Variants in SIPA1L1 observed in about 807,000 individuals in gnomAD.
SIPA1L1 encodes signal-induced proliferation-associated 1-like protein 1.
In SIPA1L1, 26 loss-of-function variants were observed where a neutral mutation model predicts 162.7. The observed-to-expected ratio is 0.16, with a 90% confidence interval of 0.12 to 0.22. The LOEUF (loss-of-function observed/expected upper bound fraction) is 0.22, where lower values mean the gene tolerates loss of function less well. Among genes scored for constraint, SIPA1L1 ranks in the 10% least tolerant of loss-of-function variants. The pLI, the probability that SIPA1L1 is intolerant of heterozygous loss-of-function variation, is 1.00. For missense variants in SIPA1L1, 1,874 were observed against 2,241.0 expected, an observed-to-expected ratio of 0.84 and a Z score of 3.31; for synonymous variants, 829 against 837.4, an observed-to-expected ratio of 0.99 and a Z score of 0.17.
chr14:71,503,139 G>A (rs1235873846), intron 2 of SIPA1L1, among the ~76,000 whole-genome samples: 2 of 152,122 alleles, frequency 1.3e-5, no homozygotes, highest in East Asian at 1.9e-4. Flanking sequence ...GCTTCAAATG[G>A]TGTAGATAGT....
chr14:71,649,957 A>G lies in SIPA1L1; in HGVS notation c.1819-378A>G, dbSNP rs912550771. On this transcript the variant is annotated intron_variant, in intron 7 of 23. Transcript: ENST00000381232. ...AGTAGACCTCTGCTTTTAAATTTGT[A>G]AAGACCTCCCTTTTAAAAGGGGGGA... 3.9e-4 allele frequency among the ~76,000 whole-genome samples: 60 copies of G among 152,206 alleles called. 1 individual carries two copies. Among genetic ancestry groups the G allele is most frequent in the Non-Finnish European group, 1.2e-4 (8 of 68,028 alleles).
chr14:71,377,389 G>A lies in SIPA1L1; in HGVS notation c.-465+56208G>A, dbSNP rs1337156805. 3.1e-4 allele frequency among the ~76,000 whole-genome samples: 46 copies of A among 150,574 alleles called. No individual in the cohort carries two copies. The highest frequency in any genetic ancestry group is 2.8e-3 in the Admixed American group (43 of 15,154). ...TCAGTTCCCAGACGGGGTCGCGGCC[G>A]GGCAGAGGCACTCCTCACCTCCCAG... On this transcript the variant is annotated intron_variant, in intron 2 of 23. Coordinates refer to ENST00000381232, the MANE Select transcript of SIPA1L1 (RefSeq NM_001386936.1). This position sits in a 1 kb window ranked among gnomAD's most constrained non-coding sequence, Gnocchi z 4.8.
chr14:71,436,056 C>T (rs1188124571), intron 2 of SIPA1L1, among the ~76,000 whole-genome samples: 1 of 152,128 alleles, frequency 6.6e-6, no homozygotes, highest in Non-Finnish European at 1.5e-5. Context: ...GGAATTTTAT[C>T]ACTATTTTTC....
At chr14:71,734,486 T>C (rs900031505) in intron 21 of SIPA1L1, among the ~76,000 whole-genome samples, 10 of 152,372 alleles carry the variant, frequency 6.6e-5, no homozygotes, top group African/African-American at 7.2e-5. Context: ...ATTTTTATTA[T>C]TCTTTACAAA....
chr14:71,585,323 T>A (rs1328544249), intron 4 of SIPA1L1, among the ~76,000 whole-genome samples: 1 of 152,182 alleles, frequency 6.6e-6, no homozygotes, highest in Non-Finnish European at 1.5e-5. Context: ...TTATTTATAT[T>A]TTGAAATGAA....
At chr14:71,661,132 A>G (rs564787179) in intron 9 of SIPA1L1, among the ~76,000 whole-genome samples, 178 bp from the exon 10 acceptor site, 13 of 152,334 alleles carry the variant, frequency 8.5e-5, no homozygotes, top group Non-Finnish European at 1.2e-4. Flanking sequence ...GTTCGTTTCT[A>G]TGTTCTTCCT....
intron 2 of SIPA1L1, among the ~76,000 whole-genome samples, chr14:71,419,109 A>G (rs1169160995): frequency 6.6e-6 from 1 of 152,154 alleles, no homozygotes; most frequent in Non-Finnish European, 1.5e-5. Context: ...GCACATGACT[A>G]GCCTTGAGTT....
chr14:71,417,879 C>T (rs995692598), intron 2 of SIPA1L1, among the ~76,000 whole-genome samples: 4 of 152,080 alleles, frequency 2.6e-5, no homozygotes, highest in African/African-American at 9.7e-5. Flanking sequence ...TTGGCTGTGA[C>T]TAGTTTGAAT....
chr14:71,405,048 A>C (rs2041943768), intron 2 of SIPA1L1, among the ~76,000 whole-genome samples: 1 of 152,262 alleles, frequency 6.6e-6, no homozygotes, highest in African/African-American at 2.4e-5. Context: ...CTCAGTAAAT[A>C]ACAAGTATCA....
chr14:71,532,020 G>T (rs527885922), intron 4 of SIPA1L1, among the ~76,000 whole-genome samples: 210 of 148,232 alleles, frequency 1.4e-3, no homozygotes, highest in Non-Finnish European at 2.5e-3. Context: ...TTTCTGTTTT[G>T]TTTTTTTTTC....
At chr14:71,543,281 G>C (rs907146478) in intron 4 of SIPA1L1, among the ~76,000 whole-genome samples, 1 of 152,194 alleles carries the variant, frequency 6.6e-6, no homozygotes, top group Non-Finnish European at 1.5e-5. Flanking sequence ...AAAATGCAAA[G>C]GTCTTAGTTG....
At chr14:71,465,082 G>C (rs531410164) in intron 2 of SIPA1L1, among the ~76,000 whole-genome samples, 33 of 152,280 alleles carry the variant, frequency 2.2e-4, no homozygotes, top group Admixed American at 5.2e-4. Context: ...GCCGCTACTG[G>C]AGATGGGGAA....
intron 8 of SIPA1L1, among the ~76,000 whole-genome samples, chr14:71,653,433 C>A (rs960246418): frequency 6.6e-6 from 1 of 152,164 alleles, no homozygotes; most frequent in Non-Finnish European, 1.5e-5. Context: ...ATTTCTGAAC[C>A]TTTCATCTGA....
intron 10 of SIPA1L1, 122 bp from the exon 11 acceptor site, chr14:71,670,997 T>A (rs1283280091): frequency 3.9e-6 from 3 of 766,490 alleles, no homozygotes; most frequent in Non-Finnish European, 6.5e-6. Flanking sequence ...TTGTTTCTCA[T>A]GGAAAAATAA....
At chr14:71,367,723 C>T (rs2038470082) in intron 2 of SIPA1L1, among the ~76,000 whole-genome samples, 1 of 151,090 alleles carries the variant, frequency 6.6e-6, no homozygotes, top group Non-Finnish European at 1.5e-5. Flanking sequence ...TCTCCTGCCT[C>T]AGCCTCCTGA....
intron 4 of SIPA1L1, among the ~76,000 whole-genome samples, chr14:71,575,908 T>C (rs1364023550): frequency 6.6e-6 from 1 of 152,210 alleles, no homozygotes; most frequent in Non-Finnish European, 1.5e-5. Flanking sequence ...CTTTATTAAA[T>C]TTTGCTAATG....
In SIPA1L1 at chr14:71,587,660, G is replaced by A. The variant is rs2034785455; in HGVS notation, c.-213G>A. ...AAAGAAAGCCCTCTGTTAAAGTGAA[G>A]CAAAGAAACTGTTGTGGATTATAAC... On this transcript the variant is annotated 5_prime_UTR_variant, in exon 5 of 24. Coordinates refer to ENST00000381232, the MANE Select transcript of SIPA1L1 (RefSeq NM_001386936.1). The A allele has an allele frequency of 2.0e-6, 1 of 492,798 alleles. No individual in the cohort carries two copies. The highest frequency in any genetic ancestry group is 3.5e-6 in the Non-Finnish European group (1 of 282,336). The allele number at this position is 492,798 out of a possible 1,614,324, so 30.5% of individuals were successfully genotyped here. A position where few individuals can be genotyped will look rare whatever the true frequency, so the allele number is the denominator to read the frequency against.
intron 2 of SIPA1L1, among the ~76,000 whole-genome samples, chr14:71,366,565 C>G (rs1022026441): frequency 4.6e-5 from 7 of 152,176 alleles, no homozygotes; most frequent in Non-Finnish European, 7.3e-5. Context: ...TCTCGAGTAG[C>G]TGGGACTACA....
Position 71,588,916 on chromosome 14 carries a change from G to T in SIPA1L1, c.1044G>T (p.Met348Ile). The T allele has an allele frequency of 6.2e-7, 1 of 1,614,090 alleles. No homozygotes were observed. The highest frequency in any genetic ancestry group is 8.5e-7 in the Non-Finnish European group (1 of 1,179,982). The change falls in exon 5 of 24, where the codon ATG (methionine) becomes ATT (isoleucine). Residue 348 changes from methionine to isoleucine, a missense_variant. Physicochemically the swap from Met to Ile is conservative, Grantham distance 10 (BLOSUM62 1). Transcript: ENST00000381232. The surrounding 1 kb of genome is among the most constrained non-coding windows in gnomAD (Gnocchi z 4.3). ...SILFDLNEAI[M>I]NRHNVIKRRN... is the part of the protein sequence containing the mutation. ...TATTTGATTTGAATGAGGCAATTAT[G>T]AACAGGCACAATGTTATTAAGAGGA...
Sources: gnomAD v4.1 joint callset for allele counts (sites outside exome capture counted in the v4.1 genomes callset) on GRCh38, gnomAD v4.1.1 for gene constraint, Gnocchi (gnomAD v3.1) non-coding constraint, MANE v1.5 for transcripts, NCBI Gene and HGNC (gene_info 2026-07-23, HGNC 2026-07-21) for gene names.